HERC4: variants seen among roughly 807,000 people sequenced by gnomAD.
HERC4 encodes the protein probable E3 ubiquitin-protein ligase HERC4.
A neutral mutation model predicts 124.3 loss-of-function variants in HERC4; 28 were observed. The observed-to-expected ratio is 0.23, with a 90% CI of 0.17 to 0.31. The LOEUF is 0.31. Ranked by LOEUF, HERC4 falls within the 10% of genes least tolerant of loss-of-function variation. The pLI is 1.00. For missense variants in HERC4, 713 were observed against 1,229.3 expected (o/e 0.58, Z 6.28); for synonymous variants, 407 against 421.5 (o/e 0.97, Z 0.42).
chr10:67,925,074 GA>G lies in HERC4; in HGVS notation c.2941+10del, dbSNP rs1160269921. 2.1e-6 allele frequency: 3 copies of G among 1,408,726 alleles called. No homozygotes were observed. Among genetic ancestry groups the G allele is most frequent in the Non-Finnish European group, 3.0e-6 (3 of 994,484 alleles). The allele number at this position is 1,408,726 out of a possible 1,614,324, so 87.3% of individuals were successfully genotyped here. A position where few individuals can be genotyped will look rare whatever the true frequency, so the allele number is the denominator to read the frequency against. ...GTCTCATAAAGTATACAACTAGTTA[GA>G]AATACTTACACAGAAACTGTTTCTT... On this transcript the variant is annotated intron_variant, in intron 24 of 24. Transcript: ENST00000373700.
intron 3 of HERC4, among the ~76,000 whole-genome samples, chr10:68,064,362 T>A (rs1184081804): frequency 6.6e-6 from 1 of 152,038 alleles, no homozygotes; most frequent in East Asian, 1.9e-4. Flanking sequence ...AAGACCAGCC[T>A]GGCCATCATG....
At position 68,023,809 on chromosome 10, in the gene HERC4, C is replaced by A. The variant is rs189638385; in HGVS notation, c.908+1737G>T. The stretch of plus-strand genomic sequence containing the variant: ...TACTTGAACATTATACTGTCCTCCA[C>A]AAAATAAATCAACTTCAGATAACTT... On this transcript the variant is annotated intron_variant, in intron 8 of 24. Coordinates refer to ENST00000373700, the MANE Select transcript of HERC4 (RefSeq NM_015601.4). 3.9e-5 allele frequency among the ~76,000 whole-genome samples: 6 copies of A among 152,162 alleles called. No homozygotes were observed. The East Asian group carries it at 1.2e-3, about 29-fold the overall frequency.
At chr10:67,948,336 C>T (rs565832900) in intron 19 of HERC4, among the ~76,000 whole-genome samples, 1 of 151,404 alleles carries the variant, frequency 6.6e-6, no homozygotes, top group Non-Finnish European at 1.5e-5. Flanking sequence ...AAGAAAAAAA[C>T]AATCCCATCA....
At position 68,050,573 on chromosome 10, in the gene HERC4, CATT is replaced by C. The variant is rs549211580; in HGVS notation, c.227-6013_227-6011del. Among the ~76,000 whole-genome samples the C allele has an allele frequency of 3.5e-3, 538 of 152,278 alleles. 2 individuals carry two copies. The highest frequency in any genetic ancestry group is 4.5e-3 in the Non-Finnish European group (305 of 68,028). On this transcript the variant is annotated intron_variant, in intron 3 of 24. Transcript: ENST00000373700. The stretch of plus-strand genomic sequence containing the variant: ...AAAATGGATAATGACTTCAGCAATA[CATT>C]ATTATAAAAACACACAACTTGAGAA...
intron 22 of HERC4, 76 bp from the exon 23 acceptor site, chr10:67,932,856 T>TC (rs2031971257): frequency 1.4e-5 from 18 of 1,283,222 alleles, no homozygotes; most frequent in Middle Eastern, 1.9e-4. Flanking sequence ...CATTAAAACT[T>TC]CAAGTGCTCC....
chr10:68,074,128 C>T (rs2041697404), intron 1 of HERC4: 1 of 152,188 alleles, frequency 6.6e-6, no homozygotes. Flanking sequence ...GTAGAACTTT[C>T]CAGCACACTG....
intron 4 of HERC4, among the ~76,000 whole-genome samples, chr10:68,041,029 A>C (rs2039740206): frequency 6.6e-6 from 1 of 152,194 alleles, no homozygotes; most frequent in Non-Finnish European, 1.5e-5. Context: ...AAGCATATCA[A>C]TTATGGAATA....
At chr10:67,963,722 G>A (rs1221174145) in intron 16 of HERC4, among the ~76,000 whole-genome samples, 1 of 152,088 alleles carries the variant, frequency 6.6e-6, no homozygotes, top group Non-Finnish European at 1.5e-5. Flanking sequence ...AAAGACCTAG[G>A]GTACCCTGGT....
In HERC4 at chr10:68,071,331, A is replaced by G. The variant is rs529614312; in HGVS notation, c.226+1552T>C. Among the ~76,000 whole-genome samples the G allele has an allele frequency of 1.2e-4, 19 of 152,364 alleles. No homozygotes were observed. In the South Asian group the frequency reaches 3.9e-3, roughly 32 times the overall value. ...ACTATAATCATTATACTACTAGTAC[A>G]CAGTGTCTACCTCTAACACTTAAAC... is the stretch of plus-strand genomic sequence containing the variant. On this transcript the variant is annotated intron_variant, in intron 3 of 24. Transcript: ENST00000373700.
chr10:68,042,720 C>T lies in HERC4; in HGVS notation c.386+1684G>A, dbSNP rs1047740808. Among the ~76,000 whole-genome samples the T allele has an allele frequency of 4.6e-5, 7 of 152,120 alleles. No individual in the cohort carries two copies. In the East Asian group the frequency reaches 5.8e-4, roughly 13 times the overall value. ...TACAAAGCTGGCTGACATCTCTAAG[C>T]CACCTAGAAAAAGCCTTACATCTGA... On this transcript the variant is annotated intron_variant, in intron 4 of 24. Transcript: ENST00000373700.
At chr10:67,929,879 C>G (rs537518441) in intron 23 of HERC4, among the ~76,000 whole-genome samples, 11 of 150,052 alleles carry the variant, frequency 7.3e-5, no homozygotes, top group African/African-American at 2.5e-4. Flanking sequence ...ACGGCACGAT[C>G]TCCGGCTCAC....
intron 9 of HERC4, among the ~76,000 whole-genome samples, chr10:68,012,909 T>C (rs1364823610): frequency 6.6e-6 from 1 of 152,246 alleles, no homozygotes; most frequent in Non-Finnish European, 1.5e-5. Flanking sequence ...ATATCACTAA[T>C]TTAGCGATAT....
chr10:67,923,176 A>G (rs1299750283), intron 24 of HERC4, 37 bp from the exon 25 acceptor site: 1 of 1,510,120 alleles, frequency 6.6e-7, no homozygotes, highest in South Asian at 1.1e-5. Flanking sequence ...ACCACTTCAA[A>G]ACAAAAAGAT....
At chr10:67,996,152 T>A (rs1429331611) in intron 9 of HERC4, 1 of 449,584 alleles carries the variant, frequency 2.2e-6, no homozygotes, top group African/African-American at 2.0e-5. Flanking sequence ...CAAAAAAAAT[T>A]AAAAATTGGT....
chr10:67,988,766 A>G lies in HERC4; in HGVS notation c.1703T>C (p.Val568Ala). 1 of 1,606,414 alleles carries G rather than the reference A, an allele frequency of 6.2e-7. No homozygotes were observed. Among genetic ancestry groups the G allele is most frequent in the Non-Finnish European group, 8.5e-7 (1 of 1,175,230 alleles). ...KIVELFKEVV[V>A]HLLKLYKIGI... is the part of the protein sequence containing the mutation. ...GATCTTGTAGAGTTTCAAAAGATGT[A>G]CCACAACTTCCTTAAAAAGTTCTAC... Residue 568 changes from valine to alanine, a missense_variant, in exon 15 of 25, where the codon GTA (valine) becomes GCA (alanine). Physicochemically the swap from Val to Ala is moderately conservative, Grantham distance 64. Coordinates refer to ENST00000373700, the MANE Select transcript of HERC4 (RefSeq NM_015601.4).
At chr10:68,018,914 T>G (rs2038427413) in intron 8 of HERC4, among the ~76,000 whole-genome samples, 1 of 151,108 alleles carries the variant, frequency 6.6e-6, no homozygotes, top group African/African-American at 2.4e-5. Flanking sequence ...TTTTTTTTTT[T>G]TTTTTTGAGA....
chr10:68,059,489 T>C (rs953494285), intron 3 of HERC4, among the ~76,000 whole-genome samples: 66 of 98,550 alleles, frequency 6.7e-4, no homozygotes, highest in Non-Finnish European at 8.3e-4. Flanking sequence ...TATTATATAT[T>C]ATAACATTAT....
intron 22 of HERC4, 120 bp downstream of exon 22, chr10:67,936,033 C>A: frequency 1.7e-6 from 1 of 572,610 alleles, no homozygotes; most frequent in African/African-American, 1.9e-5. Context: ...TCCTCACTAA[C>A]CACTCAAAAT....
At chr10:68,036,077 G>A (rs936229863) in intron 5 of HERC4, among the ~76,000 whole-genome samples, 5 of 152,092 alleles carry the variant, frequency 3.3e-5, no homozygotes, top group African/African-American at 4.8e-5. Context: ...CACTTTGGGA[G>A]GCTGAGGCGG....
Sources: allele counts gnomAD v4.1 joint callset (sites outside exome capture counted in the v4.1 genomes callset), GRCh38; gene constraint gnomAD v4.1.1; transcripts MANE v1.5; gene names NCBI Gene and HGNC (gene_info 2026-07-23, HGNC 2026-07-21).